ZFAT: variants seen among roughly 807,000 people sequenced by gnomAD.
ZFAT encodes zinc finger and AT-hook domain containing.
In ZFAT, 64 loss-of-function variants were observed where a neutral mutation model predicts 117.7. The ratio of observed to expected loss-of-function variants is 0.54; its 90% CI spans 0.44 to 0.67. ZFAT has a LOEUF of 0.67. ZFAT is among the 30% of genes least tolerant of loss of function. ZFAT has a pLI of 0.00. For missense variants in ZFAT, 1,433 were observed against 1,584.5 expected, an observed-to-expected ratio of 0.90 and a Z score of 1.62; for synonymous variants, 679 against 615.0, an observed-to-expected ratio of 1.10 and a Z score of -1.54.
chr8:134,649,332 A>G (rs1461217766), intron 2 of ZFAT, among the ~76,000 whole-genome samples: 1 of 152,186 alleles, frequency 6.6e-6, no homozygotes, highest in African/African-American at 2.4e-5. Flanking sequence ...GCAAGAAAAT[A>G]AAATACAAAG....
At chr8:134,817,586 G>A in the ZFAT span, among the ~76,000 whole-genome samples, 1 of 152,098 alleles carries the variant, frequency 6.6e-6, no homozygotes, top group Non-Finnish European at 1.5e-5. Flanking sequence ...CCATGTTCAT[G>A]GGTCAGAAGA....
At chr8:134,781,867 CTTA>C in the ZFAT span, among the ~76,000 whole-genome samples, 1 of 152,216 alleles carries the variant, frequency 6.6e-6, no homozygotes, top group African/African-American at 2.4e-5. Flanking sequence ...TTGCAATTTT[CTTA>C]TTAACATTCT....
chr8:134,509,790 G>T, intron 14 of ZFAT, 41 bp from the exon 15 acceptor site: 1 of 1,548,594 alleles, frequency 6.5e-7, no homozygotes, highest in Non-Finnish European at 8.7e-7. Context: ...TCAGGCCACT[G>T]GTGCTGAAGG....
At chr8:134,825,923 A>C in the ZFAT span, among the ~76,000 whole-genome samples, 4 of 151,768 alleles carry the variant, frequency 2.6e-5, no homozygotes, top group Non-Finnish European at 5.9e-5. Context: ...CAGGAGGCTG[A>C]GGCAGGAGAA....
the ZFAT span, among the ~76,000 whole-genome samples, chr8:134,740,778 G>A: frequency 1.2e-3 from 178 of 152,272 alleles, 2 homozygotes; most frequent in East Asian, 0.028. Flanking sequence ...AGCAGGGCTA[G>A]GCACAGCCTA....
At chr8:134,609,198 A>C (rs549374705) in intron 4 of ZFAT, among the ~76,000 whole-genome samples, 1 of 152,162 alleles carries the variant, frequency 6.6e-6, no homozygotes, top group South Asian at 2.1e-4. Context: ...ACATATACAT[A>C]TATATGTTAC....
intron 1 of ZFAT, among the ~76,000 whole-genome samples, chr8:134,687,847 G>A (rs1053184790): frequency 1.3e-5 from 2 of 152,190 alleles, no homozygotes; most frequent in Non-Finnish European, 2.9e-5. Flanking sequence ...GTTGACAGCT[G>A]TTGGTCTGCG....
chr8:134,790,986 C>A, the ZFAT span, among the ~76,000 whole-genome samples: 1 of 152,180 alleles, frequency 6.6e-6, no homozygotes, highest in South Asian at 2.1e-4. Context: ...TGCGATAGAG[C>A]AAGACTCCAT....
chr8:134,664,760 C>T (rs897793830), intron 1 of ZFAT, among the ~76,000 whole-genome samples: 2 of 152,240 alleles, frequency 1.3e-5, no homozygotes, highest in African/African-American at 2.4e-5. Context: ...ATATATCTTG[C>T]ACCCTGAAAT....
chr8:134,508,910 C>T (rs1459659135), intron 15 of ZFAT, among the ~76,000 whole-genome samples: 1 of 152,140 alleles, frequency 6.6e-6, no homozygotes, highest in East Asian at 1.9e-4. Context: ...GATGCATTTC[C>T]TATTTTGGTT....
At chr8:134,652,191 C>T (rs751086375) in intron 2 of ZFAT, among the ~76,000 whole-genome samples, 1 of 152,086 alleles carries the variant, frequency 6.6e-6, no homozygotes, top group Non-Finnish European at 1.5e-5. Context: ...GGCTTGAACC[C>T]AGGAGGTGGA....
chr8:134,504,413 G>A (rs746379451), intron 15 of ZFAT, among the ~76,000 whole-genome samples: 6 of 152,094 alleles, frequency 3.9e-5, no homozygotes, highest in South Asian at 2.1e-4. Context: ...TCATCATAAG[G>A]TGTACTTATT....
intron 1 of ZFAT, among the ~76,000 whole-genome samples, chr8:134,686,547 G>A (rs62525606): frequency 2.0e-5 from 3 of 151,712 alleles, no homozygotes; most frequent in Non-Finnish European, 4.4e-5. Context: ...AAAAGATATA[G>A]GGAAAAAAAA....
At chr8:134,554,545 C>A (rs1372660) in intron 11 of ZFAT, among the ~76,000 whole-genome samples, 3 of 151,734 alleles carry the variant, frequency 2.0e-5, no homozygotes, top group Admixed American at 6.6e-5. Context: ...CTGAAGCTGG[C>A]GCCAGAGATG....
intron 2 of ZFAT, among the ~76,000 whole-genome samples, chr8:134,646,219 G>A (rs1359582250): frequency 2.0e-5 from 3 of 151,878 alleles, no homozygotes; most frequent in Non-Finnish European, 2.9e-5. Context: ...AAAGAAAAAA[G>A]AATGGAAATC....
the ZFAT span, among the ~76,000 whole-genome samples, chr8:134,820,505 C>A: frequency 3.9e-5 from 6 of 152,294 alleles, no homozygotes; most frequent in East Asian, 1.2e-3. Flanking sequence ...AATCATGGTG[C>A]CTTACAGCAC....
intron 13 of ZFAT, among the ~76,000 whole-genome samples, chr8:134,513,150 C>T (rs1438008663): frequency 6.6e-6 from 1 of 151,436 alleles, no homozygotes; most frequent in African/African-American, 2.4e-5. Context: ...GAGCACAGGT[C>T]CCAGGTCCCA....
intron 7 of ZFAT, among the ~76,000 whole-genome samples, chr8:134,593,413 T>C (rs1008830848): frequency 6.6e-6 from 1 of 152,074 alleles, no homozygotes; most frequent in Admixed American, 6.5e-5. Context: ...CTCAGTTCCA[T>C]ACCAGAGATG....
intron 8 of ZFAT, 33 bp downstream of exon 8, chr8:134,590,234 CA>C: frequency 6.6e-7 from 1 of 1,523,208 alleles, no homozygotes. Flanking sequence ...GCATTTTTAA[CA>C]TTAATCTTCC....
Sources: allele counts gnomAD v4.1 joint callset (sites outside exome capture counted in the v4.1 genomes callset), GRCh38; gene constraint gnomAD v4.1.1; transcripts MANE v1.5; gene names NCBI Gene and HGNC (gene_info 2026-07-23, HGNC 2026-07-21).